Variants in PCDH11X observed in about 807,000 individuals in gnomAD.
PCDH11X encodes the protein protocadherin 11 X-linked.
Under a neutral mutation model 53.3 loss-of-function variants are expected in PCDH11X, and 18 were observed. The observed-to-expected ratio is 0.34, with a 90% CI of 0.23 to 0.50. The LOEUF (loss-of-function observed/expected upper bound fraction) is 0.50. PCDH11X is among the 20% of genes least tolerant of loss of function. The pLI, the probability that PCDH11X is intolerant of heterozygous loss-of-function variation, is 0.98. For missense variants in PCDH11X, 570 were observed against 1,032.4 expected, an observed-to-expected ratio of 0.55 and a Z score of 6.14; for synonymous variants, 279 against 393.3, an observed-to-expected ratio of 0.71 and a Z score of 3.44.
chrX:92,566,388 A>G (rs187434655), intron 10 of PCDH11X, among the ~76,000 whole-genome samples: 49 of 109,882 alleles, frequency 4.5e-4, no homozygotes, highest in African/African-American at 1.5e-3. Context: ...ATAGTGAGTT[A>G]TCTTAACCTC....
intron 6 of PCDH11X, among the ~76,000 whole-genome samples, chrX:92,094,238 T>A (rs1306432202): frequency 1.8e-5 from 2 of 108,287 alleles, no homozygotes; most frequent in Admixed American, 2.0e-4. Context: ...TTTGTTGACA[T>A]CCCACACACT....
At chrX:91,968,600 G>A (rs1435541985) in intron 6 of PCDH11X, among the ~76,000 whole-genome samples, 2 of 111,198 alleles carry the variant, frequency 1.8e-5, no homozygotes, top group Non-Finnish European at 3.8e-5. Context: ...AGGCTAATAA[G>A]ACTTTATAAT....
At chrX:92,563,344 C>A (rs1184542594) in intron 10 of PCDH11X, among the ~76,000 whole-genome samples, 1 of 108,636 alleles carries the variant, frequency 9.2e-6, no homozygotes. Context: ...GGGATGGCAC[C>A]AAGAAGGATG....
chrX:92,378,206 A>T (rs1352376071), intron 8 of PCDH11X, among the ~76,000 whole-genome samples: 14 of 105,025 alleles, frequency 1.3e-4, no homozygotes, highest in Non-Finnish European at 2.4e-4. Flanking sequence ...TACGAAAAAT[A>T]ATGATTTTTG....
intron 9 of PCDH11X, among the ~76,000 whole-genome samples, chrX:92,407,635 AATT>A (rs2071549556): frequency 9.2e-6 from 1 of 109,168 alleles, no homozygotes; most frequent in Non-Finnish European, 1.9e-5. Context: ...ATTTTTACTT[AATT>A]ATTCTTATAT....
chrX:92,016,073 C>A (rs1265111744), intron 6 of PCDH11X, among the ~76,000 whole-genome samples: 3 of 112,469 alleles, frequency 2.7e-5, no homozygotes, highest in Admixed American at 9.5e-5. Context: ...AAGTGTTGGG[C>A]GACCAGTTGC....
At chrX:92,268,739 A>G (rs761674552) in intron 8 of PCDH11X, among the ~76,000 whole-genome samples, 2 of 111,801 alleles carry the variant, frequency 1.8e-5, no homozygotes, top group South Asian at 3.7e-4. Flanking sequence ...GATCAGTGGC[A>G]AAAAATATCA....
At chrX:92,334,140 T>C (rs6522523) in intron 8 of PCDH11X, among the ~76,000 whole-genome samples, 24,737 of 110,929 alleles carry the variant, frequency 0.22, 2,466 homozygotes, top group East Asian at 0.69. Context: ...AGGTATGCCA[T>C]GAATGCATAA....
At chrX:92,573,369 G>T (rs1042930353) in intron 10 of PCDH11X, among the ~76,000 whole-genome samples, 5 of 111,240 alleles carry the variant, frequency 4.5e-5, no homozygotes, top group African/African-American at 6.5e-5. Flanking sequence ...AAGTAAAATA[G>T]AAAAAATAAA....
At chrX:92,104,914 G>A (rs1225576067) in intron 6 of PCDH11X, among the ~76,000 whole-genome samples, 2 of 110,644 alleles carry the variant, frequency 1.8e-5, no homozygotes, top group Non-Finnish European at 3.8e-5. Context: ...CTAGGAAAGC[G>A]GGACTTGCCA....
chrX:92,375,605 CTT>C (rs1201128943), intron 8 of PCDH11X, among the ~76,000 whole-genome samples: 1 of 109,519 alleles, frequency 9.1e-6, no homozygotes, highest in Non-Finnish European at 1.9e-5. Flanking sequence ...GTTTACATGA[CTT>C]TTAATATTTT....
chrX:92,111,253 C>CAAAAAAAAAAAAAAAA (rs2064503540), intron 6 of PCDH11X, among the ~76,000 whole-genome samples: 2 of 52,399 alleles, frequency 3.8e-5, no homozygotes, highest in East Asian at 2.9e-3. Context: ...AAAAAAAAAT[C>CAAAAAAAAAAAAAAAA]AGCGTCAACT....
intron 6 of PCDH11X, among the ~76,000 whole-genome samples, chrX:92,088,637 A>G (rs1211851667): frequency 1.8e-5 from 2 of 112,073 alleles, no homozygotes; most frequent in Non-Finnish European, 3.8e-5. Flanking sequence ...TGGGAAATAC[A>G]GATTCAAATA....
chrX:92,373,579 C>T (rs998900867), intron 8 of PCDH11X, among the ~76,000 whole-genome samples: 1 of 111,380 alleles, frequency 9.0e-6, no homozygotes, highest in Non-Finnish European at 1.9e-5. Context: ...AAATCCTTCA[C>T]TGCATTAGAT....
At chrX:92,139,996 T>C (rs1314366652) in intron 6 of PCDH11X, among the ~76,000 whole-genome samples, 1 of 109,770 alleles carries the variant, frequency 9.1e-6, no homozygotes, top group Non-Finnish European at 1.9e-5. Context: ...TTTTTTTTAA[T>C]TTCAAGGAGA....
chrX:92,416,885 G>A (rs1243820505), intron 9 of PCDH11X, among the ~76,000 whole-genome samples: 11 of 111,480 alleles, frequency 9.9e-5, no homozygotes, highest in South Asian at 3.7e-4. Flanking sequence ...AAAGTTGTAC[G>A]TTATTTATTG....
chrX:91,975,260 A>T lies in PCDH11X; in HGVS notation c.3033+95987A>T, dbSNP rs150268891. Among the ~76,000 whole-genome samples, 769 of 111,940 alleles carry T rather than the reference A, an allele frequency of 6.9e-3. 6 individuals carry two copies. Among genetic ancestry groups the T allele is most frequent in the African/African-American group, 0.024 (742 of 30,817 alleles). On this transcript the variant is annotated intron_variant, in intron 6 of 10. Coordinates refer to ENST00000682573, the MANE Select transcript of PCDH11X (RefSeq NM_032968.5). ...GATATCTTAATAGACCAAAATGTGA[A>T]ATGTAAGAAAAATAGAGATGTCAAG...
intron 8 of PCDH11X, among the ~76,000 whole-genome samples, chrX:92,349,556 G>A (rs1456993711): frequency 2.0e-5 from 2 of 102,246 alleles, no homozygotes; most frequent in Non-Finnish European, 4.0e-5. Context: ...ACTTTACCAT[G>A]TTCTACAAGT....
chrX:91,886,339 G>T (rs73630151), intron 6 of PCDH11X, among the ~76,000 whole-genome samples: 12,183 of 110,586 alleles, frequency 0.11, 1,727 homozygotes, highest in African/African-American at 0.38. Context: ...AAAGGAACTT[G>T]TAGTGAACTT....
Sources: gnomAD v4.1 joint callset for allele counts (sites outside exome capture counted in the v4.1 genomes callset) on GRCh38, gnomAD v4.1.1 for gene constraint, MANE v1.5 for transcripts, NCBI Gene and HGNC (gene_info 2026-07-23, HGNC 2026-07-21) for gene names.